Variants in RCC1L observed in about 807,000 individuals in gnomAD.
RCC1L encodes the protein RCC1 like.
Under a neutral mutation model 58.6 loss-of-function variants are expected in RCC1L, and 46 were observed. The ratio of observed to expected loss-of-function variants is 0.79; its 90% CI spans 0.62 to 1.00. RCC1L has a LOEUF of 1.00. Ranked by LOEUF, RCC1L falls within the 50% of genes least tolerant of loss-of-function variation. The pLI is 0.00. For synonymous variants in RCC1L, 281 were observed against 262.9 expected (o/e 1.07, Z -0.67); for missense variants, 636 against 623.6 (o/e 1.02, Z -0.21).
intron 4 of RCC1L, 79 bp downstream of exon 4, chr7:75,064,503 G>A: frequency 1.3e-6 from 2 of 1,549,360 alleles, no homozygotes; most frequent in Non-Finnish European, 1.8e-6. Context: ...CCGCCCCGCG[G>A]GTTTACCACA....
chr7:75,042,396 C>G lies in RCC1L; in HGVS notation c.*636G>C, dbSNP rs1183858562. On this transcript the variant is annotated 3_prime_UTR_variant, in exon 11 of 11. Coordinates refer to ENST00000610322, the MANE Select transcript of RCC1L (RefSeq NM_030798.5). Reference sequence around the variant, plus strand: ...CCTCGATTCTCTTCCTGAGGGGCTTCTTAACTTTTCCAAGCCAGGCAGTGA... The same window carrying G: ...CCTCGATTCTCTTCCTGAGGGGCTTGTTAACTTTTCCAAGCCAGGCAGTGA... The G allele has an allele frequency of 1.0e-6, 1 of 985,976 alleles. No individual in the cohort carries two copies. The highest frequency in any genetic ancestry group is 6.1e-5 in the Admixed American group (1 of 16,344). 61.1% of individuals were successfully genotyped at this position (985,976 alleles called of 1,614,324 possible). A position where few individuals can be genotyped will look rare whatever the true frequency, so the allele number is the denominator to read the frequency against.
At chr7:75,050,908 A>G (rs1250515661) in intron 10 of RCC1L, among the ~76,000 whole-genome samples, 1 of 152,132 alleles carries the variant, frequency 6.6e-6, no homozygotes, top group Non-Finnish European at 1.5e-5. Context: ...CCTGGGCAAC[A>G]TAGTGAGACT....
intron 6 of RCC1L, among the ~76,000 whole-genome samples, chr7:75,059,237 C>A (rs1806195248): frequency 6.6e-6 from 1 of 150,398 alleles, no homozygotes; most frequent in African/African-American, 2.4e-5. Flanking sequence ...GAAAAGAAAC[C>A]CTAATCTGCT....
In RCC1L at chr7:75,042,952, G is replaced by A. The variant is rs984930826; in HGVS notation, c.*80C>T. 1.8e-4 allele frequency: 283 copies of A among 1,608,426 alleles called. 2 individuals are homozygous for A. In the African/African-American group the frequency reaches 3.2e-3, roughly 18 times the overall value. ...CCGCCACCACCATCCAAGAACCCCG[G>A]GGGGCTGGCCACGCGCTGGCCTCTG... On this transcript the variant is annotated 3_prime_UTR_variant, in exon 11 of 11. Coordinates refer to ENST00000610322, the MANE Select transcript of RCC1L (RefSeq NM_030798.5).
Position 75,052,729 on chromosome 7 carries a change from G to A in RCC1L, c.1299C>T (p.Asp433=), listed in dbSNP as rs1805951316. 1 of 1,612,500 alleles carries A rather than the reference G, an allele frequency of 6.2e-7. No homozygotes were observed. The highest frequency in any genetic ancestry group is 2.2e-5 in the East Asian group (1 of 44,830). Residue 433 remains aspartate (D), a synonymous_variant, in exon 10 of 11, where the codon GAC becomes GAT. Coordinates refer to ENST00000610322, the MANE Select transcript of RCC1L (RefSeq NM_030798.5). The part of the protein sequence containing the change: ...RGCLGIGRLE[D]QYFPWRVTMP... ...GCCTTACCCTCCATGGGAAATACTG[G>A]TCCTCCAGGCGACCGATTCCCAGGC...
intron 4 of RCC1L, 39 bp from the exon 5 acceptor site, chr7:75,063,382 G>C (rs1037573850): frequency 1.2e-6 from 2 of 1,608,592 alleles, no homozygotes; most frequent in South Asian, 1.1e-5. Flanking sequence ...CAAGGGATGC[G>C]GTCATGACAA....
At position 75,058,092 on chromosome 7, in the gene RCC1L, A is replaced by AGGTGGT. The variant is rs1192982030; in HGVS notation, c.970-482_970-477dup. On this transcript the variant is annotated intron_variant, in intron 7 of 10. Transcript: ENST00000610322. ...AGAATTGCTTGTACCCAGGAGGTGG[A>AGGTGGT]GGTGGTATTTTTGTATTTTTTTTTA... 4.2e-3 allele frequency: 133 copies of AGGTGGT among 31,894 alleles called. 48 individuals carry two copies. Among genetic ancestry groups the AGGTGGT allele is most frequent in the Non-Finnish European group, 6.2e-3 (121 of 19,506 alleles). 2.0% of individuals were successfully genotyped at this position (31,894 alleles called of 1,614,324 possible).
At chr7:75,035,320 C>T (rs1222773511) in intron 10 of RCC1L, among the ~76,000 whole-genome samples, 4 of 152,300 alleles carry the variant, frequency 2.6e-5, no homozygotes, top group South Asian at 2.1e-4. Context: ...CATGAGCCAC[C>T]GCGCCCGGCC....
At chr7:75,060,327 T>C (rs888240610) in intron 6 of RCC1L, among the ~76,000 whole-genome samples, 1 of 152,214 alleles carries the variant, frequency 6.6e-6, no homozygotes, top group African/African-American at 2.4e-5. Context: ...GAGTCTACAG[T>C]TCAGTGCTCT....
downstream of RCC1L, among the ~76,000 whole-genome samples, chr7:75,041,264 G>A (rs587623628): frequency 9.9e-5 from 15 of 151,922 alleles, no homozygotes; most frequent in African/African-American, 1.9e-4. Context: ...TAGCCCTCCC[G>A]AGATCCCATC....
chr7:75,052,754 C>G lies in RCC1L; in HGVS notation c.1274G>C (p.Cys425Ser). 1 of 1,613,462 alleles carries G rather than the reference C, an allele frequency of 6.2e-7. No individual in the cohort carries two copies. ...GTCCTCCAGGCGACCGATTCCCAGG[C>G]ACCCTCGGATGTTCTTGCCCCATAC... ...LFVWGKNIRGCLGIGRLEDQY... is the reference protein window; with the variant it reads ...LFVWGKNIRGSLGIGRLEDQY... The change falls in exon 10 of 11, where the codon TGC becomes TCC. Residue 425 changes from cysteine to serine, a missense_variant. Physicochemically the swap from Cys to Ser is moderately radical, Grantham distance 112. Coordinates refer to ENST00000610322, the MANE Select transcript of RCC1L (RefSeq NM_030798.5).
At chr7:75,062,458 T>C (rs1806305773) in intron 5 of RCC1L, among the ~76,000 whole-genome samples, 1 of 152,120 alleles carries the variant, frequency 6.6e-6, no homozygotes, top group Non-Finnish European at 1.5e-5. Context: ...CAGTGAGCTA[T>C]GATCGTGCCA....
chr7:75,035,998 G>A (rs1805423465), intron 10 of RCC1L, among the ~76,000 whole-genome samples: 1 of 151,956 alleles, frequency 6.6e-6, no homozygotes, highest in East Asian at 1.9e-4. Flanking sequence ...GAGCAAGACC[G>A]TCTCAAAAAC....
At chr7:75,046,974 A>G (rs1476990320) in intron 10 of RCC1L, among the ~76,000 whole-genome samples, 3 of 151,652 alleles carry the variant, frequency 2.0e-5, no homozygotes, top group Non-Finnish European at 4.4e-5. Context: ...TTTTTTTTCA[A>G]TGAGACGGAG....
At position 75,060,523 on chromosome 7, in the gene RCC1L, C is replaced by T. The variant is rs1036892686; in HGVS notation, c.787+684G>A. On this transcript the variant is annotated intron_variant, in intron 6 of 10. Coordinates refer to ENST00000610322, the MANE Select transcript of RCC1L (RefSeq NM_030798.5). ...TTGGCTCACAGCAACCTCCGCCTCC[C>T]GGGTTCAAGCCATTCTCCTGCCTCA... is the stretch of plus-strand genomic sequence containing the variant. Among the ~76,000 whole-genome samples, 688 of 152,258 alleles carry T rather than the reference C, an allele frequency of 4.5e-3. 6 individuals are homozygous for T. The highest frequency in any genetic ancestry group is 0.015 in the African/African-American group (633 of 41,556).
At chr7:75,046,092 CGCCA>C (rs1805712134) in intron 10 of RCC1L, among the ~76,000 whole-genome samples, 1 of 152,244 alleles carries the variant, frequency 6.6e-6, no homozygotes, top group South Asian at 2.1e-4. Flanking sequence ...TTTGCACCTA[CGCCA>C]GGAGACAAGA....
chr7:75,027,915 TGGGA>T, exon 11 of RCC1L: 4 of 1,140,558 alleles, frequency 3.5e-6, no homozygotes, highest in South Asian at 1.3e-5. Flanking sequence ...GTCTGCTGGG[TGGGA>T]GGGTCTCTCC....
chr7:75,056,553 A>G (rs1326142604), intron 8 of RCC1L: 4 of 1,529,242 alleles, frequency 2.6e-6, no homozygotes, highest in Non-Finnish European at 3.5e-6. Context: ...GTGGTGCCAG[A>G]TATTTCATCG....
rs1805593010 is a variant in RCC1L at position 75,042,444 on chromosome 7, G to A, written c.*588C>T. The A allele has an allele frequency of 2.0e-6, 2 of 986,778 alleles. No individual in the cohort carries two copies. Among genetic ancestry groups the A allele is most frequent in the South Asian group, 9.4e-5 (2 of 21,372 alleles). The allele number at this position is 986,778 out of a possible 1,614,324, so 61.1% of individuals were successfully genotyped here. On this transcript the variant is annotated 3_prime_UTR_variant, in exon 11 of 11. Transcript: ENST00000610322. The stretch of plus-strand genomic sequence containing the variant: ...TGAGCGTGGTGGGAGGCTGGGGCTG[G>A]TGCCTGCGGACAGCTCCAGATGGAA...
Sources: allele counts gnomAD v4.1 joint callset (sites outside exome capture counted in the v4.1 genomes callset), GRCh38; gene constraint gnomAD v4.1.1; transcripts MANE v1.5; gene names NCBI Gene and HGNC (gene_info 2026-07-23, HGNC 2026-07-21).